The following MARK3 variants were observed in gnomAD, a reference collection of about 807,000 sequenced individuals.
The protein encoded by MARK3 is MAP/microtubule affinity-regulating kinase 3.
In MARK3, 46 loss-of-function variants were observed where a neutral mutation model predicts 90.1. The observed-to-expected ratio is 0.51, with a 90% CI of 0.40 to 0.65. The LOEUF is 0.65. MARK3 is among the 30% of genes least tolerant of loss of function. The pLI, the probability that MARK3 is intolerant of heterozygous loss-of-function variation, is 0.00. For synonymous variants in MARK3, 321 were observed against 332.6 expected, an observed-to-expected ratio of 0.97 and a Z score of 0.38; for missense variants, 818 against 947.2, an observed-to-expected ratio of 0.86 and a Z score of 1.79.
intron 15 of MARK3, among the ~76,000 whole-genome samples, chr14:103,497,228 G>A (rs2075399851): frequency 6.6e-6 from 1 of 152,168 alleles, no homozygotes; most frequent in South Asian, 2.1e-4. Context: ...ATCTGATTAT[G>A]AAGTGGTTGG....
rs549476660 is a variant in MARK3, at chr14:103,397,236, C to T, written c.52-7840C>T. Among the ~76,000 whole-genome samples the T allele has an allele frequency of 5.3e-5, 8 of 152,166 alleles. No homozygotes were observed. In the South Asian group the frequency reaches 1.7e-3, roughly 32 times the overall value. ...AGCACCCCGTGTATATCATGAGTGC[C>T]TTGAAGGTTTGACACCACACTTTTC... On this transcript the variant is annotated intron_variant, in intron 1 of 17. Transcript: ENST00000429436.
chr14:103,425,376 C>G (rs2092368141), intron 2 of MARK3, among the ~76,000 whole-genome samples: 1 of 152,004 alleles, frequency 6.6e-6, no homozygotes, highest in South Asian at 2.1e-4. Context: ...TCTCCCGCCT[C>G]AGCCTTTCAA....
At chr14:103,480,088 TC>T (rs1401572741) in intron 13 of MARK3, among the ~76,000 whole-genome samples, 8 of 151,822 alleles carry the variant, frequency 5.3e-5, no homozygotes, top group Non-Finnish European at 1.2e-4. Flanking sequence ...ACCGCTGCAT[TC>T]CAGCATGGCG....
At chr14:103,501,686 C>T (rs1007408416) in intron 17 of MARK3, among the ~76,000 whole-genome samples, 1 of 152,110 alleles carries the variant, frequency 6.6e-6, no homozygotes. Flanking sequence ...CGGCGGGCTC[C>T]ACCTCTTCTG....
chr14:103,436,831 T>C (rs1331327684), intron 3 of MARK3, among the ~76,000 whole-genome samples: 2 of 152,206 alleles, frequency 1.3e-5, no homozygotes, highest in East Asian at 3.9e-4. Flanking sequence ...GGCTCACTCC[T>C]GTAATCCCAG....
chr14:103,503,406 TTAAA>T lies in MARK3; in HGVS notation c.*180_*183del, dbSNP rs2142205799. On this transcript the variant is annotated 3_prime_UTR_variant, in exon 18 of 18. Coordinates refer to ENST00000429436, the MANE Select transcript of MARK3 (RefSeq NM_001128918.3). ...GCCTTTTTTCTACGAATGCACTACA[TTAAA>T]GATGTGCAACCTATGCGCCCCCTGC... 1.6e-6 allele frequency: 1 copy of T among 626,276 alleles called. No homozygotes were observed. The highest frequency in any genetic ancestry group is 2.1e-5 in the South Asian group (1 of 48,326). 38.8% of individuals were successfully genotyped at this position (626,276 alleles called of 1,614,324 possible).
At chr14:103,399,498 A>G (rs748990180) in intron 1 of MARK3, among the ~76,000 whole-genome samples, 17 of 152,042 alleles carry the variant, frequency 1.1e-4, no homozygotes, top group Non-Finnish European at 1.8e-4. Context: ...TCACGAGGTC[A>G]GGAGATCGAG....
At chr14:103,415,360 A>G (rs1303628987) in intron 2 of MARK3, among the ~76,000 whole-genome samples, 1 of 152,160 alleles carries the variant, frequency 6.6e-6, no homozygotes, top group Non-Finnish European at 1.5e-5. Flanking sequence ...CAGGATGACC[A>G]TGAACCAATC....
At chr14:103,440,142 AC>A (rs1387494702) in intron 3 of MARK3, among the ~76,000 whole-genome samples, 5 of 152,096 alleles carry the variant, frequency 3.3e-5, no homozygotes, top group Admixed American at 6.5e-5. Flanking sequence ...GCTGTAATTC[AC>A]CTTCACTGCT....
intron 1 of MARK3, among the ~76,000 whole-genome samples, chr14:103,390,013 C>G (rs1420178110): frequency 6.8e-6 from 1 of 147,220 alleles, no homozygotes; most frequent in East Asian, 2.0e-4. Context: ...CTCTGGGAGG[C>G]CGAGGCGGGC....
At chr14:103,388,608 C>T (rs934086305) in intron 1 of MARK3, among the ~76,000 whole-genome samples, 1 of 152,166 alleles carries the variant, frequency 6.6e-6, no homozygotes, top group Non-Finnish European at 1.5e-5. Flanking sequence ...TATGTAACCG[C>T]TATCACAATC....
intron 2 of MARK3, among the ~76,000 whole-genome samples, chr14:103,417,005 G>T (rs1366175859): frequency 6.6e-6 from 1 of 152,164 alleles, no homozygotes; most frequent in Non-Finnish European, 1.5e-5. Context: ...ATGGACTAGA[G>T]AAATGTAATA....
At chr14:103,482,018 G>A (rs956273842) in intron 14 of MARK3, among the ~76,000 whole-genome samples, 9 of 150,662 alleles carry the variant, frequency 6.0e-5, no homozygotes, top group African/African-American at 2.2e-4. Context: ...CACCCACCTC[G>A]GCCTCCCAAA....
At chr14:103,458,826 A>T in intron 6 of MARK3, 1 of 634,612 alleles carries the variant, frequency 1.6e-6, no homozygotes, top group East Asian at 2.8e-5. Context: ...AGTTTCTTAT[A>T]AACGTTGCTT....
intron 5 of MARK3, among the ~76,000 whole-genome samples, chr14:103,456,670 A>T (rs1381163472): frequency 1.3e-5 from 2 of 152,202 alleles, no homozygotes; most frequent in Non-Finnish European, 2.9e-5. Context: ...GAGGAAAAGG[A>T]TCTTGTGTTC....
intron 3 of MARK3, among the ~76,000 whole-genome samples, chr14:103,438,924 G>A (rs550982559): frequency 4.0e-5 from 6 of 151,648 alleles, no homozygotes; most frequent in African/African-American, 1.5e-4. Flanking sequence ...GGAGGTCGAG[G>A]CTGCAGTGAA....
At chr14:103,398,628 C>T (rs2090741339) in intron 1 of MARK3, among the ~76,000 whole-genome samples, 1 of 152,154 alleles carries the variant, frequency 6.6e-6, no homozygotes, top group Non-Finnish European at 1.5e-5. Context: ...TTGCCTCAGC[C>T]TCTGAAGGTG....
At chr14:103,502,366 T>C (rs2075717309) in intron 17 of MARK3, among the ~76,000 whole-genome samples, 1 of 152,220 alleles carries the variant, frequency 6.6e-6, no homozygotes, top group Non-Finnish European at 1.5e-5. Context: ...TAGAGCATCA[T>C]GTTCAGCCTC....
rs376395495 is a variant in MARK3, at chr14:103,491,898, C to T, written c.1708C>T (p.Arg570Trp). Reference sequence around the variant, plus strand: ...TCGTAGCACTTTCCACGGCCAGCCCCGGGAACGGCGAACCGCAACATATAA... The same window carrying T: ...TCGTAGCACTTTCCACGGCCAGCCCTGGGAACGGCGAACCGCAACATATAA... Reference protein sequence around the residue: ...ASRSTFHGQPRERRTATYNGP... With the variant: ...ASRSTFHGQPWERRTATYNGP... Residue 570 changes from arginine (R) to tryptophan (W), a missense_variant, in exon 15 of 18, where the codon CGG (arginine) becomes TGG (tryptophan). Around this residue, in one of 3 missense-constraint regions of MARK3, gnomAD observed 560 missense variants for 613.5 expected, o/e 0.91. Transcript: ENST00000429436. 78 of 1,614,166 alleles carry T rather than the reference C, an allele frequency of 4.8e-5. No homozygotes were observed. The highest frequency in any genetic ancestry group is 4.4e-4 in the African/African-American group (33 of 75,044).
Sources: allele counts gnomAD v4.1 joint callset (sites outside exome capture counted in the v4.1 genomes callset), GRCh38; gene constraint gnomAD v4.1.1; regional missense constraint gnomAD v4.1.1; transcripts MANE v1.5; gene names NCBI Gene and HGNC (gene_info 2026-07-23, HGNC 2026-07-21).